Variants in PROM1 observed in about 807,000 individuals in gnomAD.
PROM1 encodes prominin 1.
A neutral mutation model predicts 116.9 loss-of-function variants in PROM1; 105 were observed. That is an observed-to-expected ratio of 0.90 (90% CI 0.77 to 1.06). The LOEUF (loss-of-function observed/expected upper bound fraction) is 1.06. PROM1 is among the 50% of genes least tolerant of loss of function. The pLI, the probability that PROM1 is intolerant of heterozygous loss-of-function variation, is 0.00. For missense variants in PROM1, 1,122 were observed against 1,045.2 expected, an observed-to-expected ratio of 1.07 and a Z score of -1.01; for synonymous variants, 393 against 387.0, an observed-to-expected ratio of 1.02 and a Z score of -0.18.
At chr4:15,976,044 C>A in intron 26 of PROM1, 1 of 365,978 alleles carries the variant, frequency 2.7e-6, no homozygotes, top group South Asian at 2.1e-5. Flanking sequence ...TATCCCTAGC[C>A]CCAGGCTTCA....
At chr4:16,016,313 A>G in intron 9 of PROM1, 73 bp from the exon 10 acceptor site, 1 of 1,217,010 alleles carries the variant, frequency 8.2e-7, no homozygotes, top group Admixed American at 2.2e-5. Context: ...GAAAGAAGTC[A>G]TTGTATATTC....
chr4:16,005,461 A>G (rs1194671989), intron 13 of PROM1, among the ~76,000 whole-genome samples: 1 of 148,736 alleles, frequency 6.7e-6, no homozygotes, highest in Non-Finnish European at 1.5e-5. Flanking sequence ...AGCCTGATTT[A>G]TTGTTCCAGT....
At chr4:16,011,948 A>G (rs1034934394) in intron 11 of PROM1, among the ~76,000 whole-genome samples, 14 of 152,338 alleles carry the variant, frequency 9.2e-5, no homozygotes, top group African/African-American at 3.4e-4. Context: ...TAAAAGAAAT[A>G]GAAGATAGCT....
chr4:16,009,766 C>T (rs980908737), intron 11 of PROM1, among the ~76,000 whole-genome samples: 2 of 151,656 alleles, frequency 1.3e-5, no homozygotes, highest in African/African-American at 4.8e-5. Context: ...ATGGCAAAAC[C>T]CCATCTCTAC....
intron 23 of PROM1, among the ~76,000 whole-genome samples, chr4:15,983,533 G>A (rs977504630): frequency 6.6e-6 from 1 of 152,186 alleles, no homozygotes; most frequent in Admixed American, 6.5e-5. Context: ...GAAAGAGAAA[G>A]GCGGCGTGTG....
At position 15,979,399 on chromosome 4, in the gene PROM1, T is replaced by C. The variant is rs747844753; in HGVS notation, c.2578A>G (p.Thr860Ala). ...HVYGIHNPVM[T>A]SPSQH The stretch of plus-strand genomic sequence containing the variant: ...CACTTCCAGACTTTGCTTTACCTTG[T>C]CATAACAGGATTGTGAATACCATAT... Residue 860 changes from threonine (T) to alanine (A), a missense_variant, in exon 26 of 28, where the codon ACA (threonine) becomes GCA (alanine). Transcript: ENST00000447510. 11 of 1,613,778 alleles carry C rather than the reference T, an allele frequency of 6.8e-6. 1 individual carries two copies. The highest frequency in any genetic ancestry group is 3.3e-4 in the Middle Eastern group (2 of 6,060).
At chr4:16,014,689 A>T (rs1727850334) in intron 10 of PROM1, among the ~76,000 whole-genome samples, 1 of 152,222 alleles carries the variant, frequency 6.6e-6, no homozygotes, top group Non-Finnish European at 1.5e-5. Context: ...AAATGGGTTA[A>T]TAGAGATTTG....
rs1300360549 is a variant in PROM1, at chr4:15,986,030, A to C, written c.2138T>G (p.Val713Gly). ...ATCCAGAGAAGCTAGAATCCTAGTTACTCTCTCCTGAAAGACACAGCCACA... is the reference window on the plus strand; with the variant it reads ...ATCCAGAGAAGCTAGAATCCTAGTTCCTCTCTCCTGAAAGACACAGCCACA... ...QRTGNGLLER[V>G]TRILASLDFA... Residue 713 changes from valine to glycine, a missense_variant, in exon 21 of 28, where the codon GTA becomes GGA. By Grantham distance (109) the Val-to-Gly change is moderately radical (BLOSUM62 -3). Coordinates refer to ENST00000447510, the MANE Select transcript of PROM1 (RefSeq NM_006017.3). 1.9e-6 allele frequency: 3 copies of C among 1,567,692 alleles called. No individual in the cohort carries two copies. In the South Asian group the frequency reaches 3.5e-5, roughly 18 times the overall value.
At chr4:16,059,858 C>T (rs1560592271) in intron 2 of PROM1, among the ~76,000 whole-genome samples, 1 of 151,448 alleles carries the variant, frequency 6.6e-6, no homozygotes, top group Non-Finnish European at 1.5e-5. Flanking sequence ...TACCTCACAG[C>T]AATTAAAAAA....
intron 2 of PROM1, among the ~76,000 whole-genome samples, chr4:16,055,940 G>T (rs1738902154): frequency 6.6e-6 from 1 of 152,152 alleles, no homozygotes. Context: ...AAATCTGGAA[G>T]TCAAAACAGG....
In PROM1 at chr4:16,023,378, T is replaced by C. The variant is rs748659056; in HGVS notation, c.732A>G (p.Arg244=). ...NSVLGGGILD[R]LRPNIIPVLD... ...GAACAGGGATGATGTTGGGTCTCAG[T>C]CGGTCAAGAATTCCGCCTCCTAGCA... is the stretch of plus-strand genomic sequence containing the variant. Residue 244 remains arginine, a synonymous_variant, in exon 8 of 28, where the codon CGA becomes CGG. Coordinates refer to ENST00000447510, the MANE Select transcript of PROM1 (RefSeq NM_006017.3). 1 of 1,607,684 alleles carries C rather than the reference T, an allele frequency of 6.2e-7. No homozygotes were observed. The highest frequency in any genetic ancestry group is 8.5e-7 in the Non-Finnish European group (1 of 1,176,802).
At chr4:15,997,864 C>G (rs1048884777) in intron 15 of PROM1, among the ~76,000 whole-genome samples, 1 of 152,168 alleles carries the variant, frequency 6.6e-6, no homozygotes, top group Non-Finnish European at 1.5e-5. Context: ...TAAAACAACC[C>G]CAGGGTCAGA....
intron 2 of PROM1, among the ~76,000 whole-genome samples, chr4:16,042,921 T>C (rs751038456): frequency 3.7e-4 from 57 of 152,212 alleles, no homozygotes; most frequent in Non-Finnish European, 7.3e-4. Context: ...AAGCCAGATG[T>C]TCAAGAGATT....
chr4:15,968,917 G>A lies in PROM1; in HGVS notation c.*476C>T, dbSNP rs960295466. 1 of 152,186 alleles carries A rather than the reference G, an allele frequency of 6.6e-6. No homozygotes were observed. The highest frequency in any genetic ancestry group is 2.4e-5 in the African/African-American group (1 of 41,452). The allele number at this position is 152,186 out of a possible 1,614,324, so 9.4% of individuals were successfully genotyped here. The stretch of plus-strand genomic sequence containing the variant: ...GAAGAAAGTCCTATAATACTCATTT[G>A]TTTAAAAAACTCTGTGGTAACAAAA... On this transcript the variant is annotated 3_prime_UTR_variant, in exon 28 of 28. Transcript: ENST00000447510.
chr4:16,020,011 G>GAGAA lies in PROM1; in HGVS notation c.785-1472_785-1471insTTCT, dbSNP rs1363233978. ...GCAAACTCTCACTTCTCAGGACCTT[G>GAGAA]GTCTCATCTATAAATTAGGGAGTGT... On this transcript the variant is annotated intron_variant, in intron 8 of 27. Coordinates refer to ENST00000447510, the MANE Select transcript of PROM1 (RefSeq NM_006017.3). Among the ~76,000 whole-genome samples, 15 of 152,236 alleles carry GAGAA rather than the reference G, an allele frequency of 9.9e-5. 1 individual carries two copies. Among genetic ancestry groups the GAGAA allele is most frequent in the African/African-American group, 3.1e-4 (13 of 41,554 alleles).
chr4:16,070,760 C>T (rs996869546), intron 2 of PROM1, among the ~76,000 whole-genome samples: 5 of 152,158 alleles, frequency 3.3e-5, no homozygotes, highest in Admixed American at 1.3e-4. Flanking sequence ...GACCCTGTTC[C>T]GCTACTGTCA....
intron 2 of PROM1, among the ~76,000 whole-genome samples, chr4:16,044,653 A>C (rs1184009249): frequency 6.6e-6 from 1 of 151,968 alleles, no homozygotes; most frequent in Non-Finnish European, 1.5e-5. Context: ...AAAGACACAG[A>C]ATAAAATAAT....
chr4:16,019,442 T>C (rs1162203659), intron 8 of PROM1, among the ~76,000 whole-genome samples: 1 of 152,206 alleles, frequency 6.6e-6, no homozygotes, highest in Non-Finnish European at 1.5e-5. Flanking sequence ...TATTCTACAG[T>C]GTATTAAAAG....
chr4:16,022,884 T>C (rs1417649977), intron 8 of PROM1, among the ~76,000 whole-genome samples: 4 of 152,206 alleles, frequency 2.6e-5, no homozygotes, highest in Non-Finnish European at 1.5e-5. Flanking sequence ...TAAATGTCTA[T>C]AGGTTCCTCG....
Sources: allele counts gnomAD v4.1 joint callset (sites outside exome capture counted in the v4.1 genomes callset), GRCh38; gene constraint gnomAD v4.1.1; transcripts MANE v1.5; gene names NCBI Gene and HGNC (gene_info 2026-07-23, HGNC 2026-07-21).